ADGRB3: variants seen among roughly 807,000 people sequenced by gnomAD.
ADGRB3 encodes adhesion G protein-coupled receptor B3, also known as brain-specific angiogenesis inhibitor 3.
Under a neutral mutation model 193.4 loss-of-function variants are expected in ADGRB3, and 37 were observed. That is an observed-to-expected ratio of 0.19 (90% CI 0.15 to 0.25). The LOEUF is 0.25. Among genes scored for constraint, ADGRB3 ranks in the 10% least tolerant of loss-of-function variants. The probability of loss-of-function intolerance (pLI) is 1.00; values close to 1 mark genes in which losing one functional copy is unlikely to be tolerated. For synonymous variants in ADGRB3, 690 were observed against 644.2 expected (o/e 1.07, Z -1.08); for missense variants, 1,637 against 1,852.9 (o/e 0.88, Z 2.14).
chr6:68,858,679 G>C (rs915084950), intron 3 of ADGRB3, among the ~76,000 whole-genome samples: 2 of 151,246 alleles, frequency 1.3e-5, no homozygotes, highest in African/African-American at 4.9e-5. Context: ...CAGCCATTTA[G>C]AGCCATTACC....
intron 17 of ADGRB3, among the ~76,000 whole-genome samples, chr6:69,130,580 C>T (rs1464743410): frequency 6.7e-6 from 1 of 150,338 alleles, no homozygotes; most frequent in Non-Finnish European, 1.5e-5. Context: ...GAAATTCAGC[C>T]CCCCGACTGG....
At chr6:69,306,658 C>T (rs1373447353) in intron 20 of ADGRB3, among the ~76,000 whole-genome samples, 1 of 151,542 alleles carries the variant, frequency 6.6e-6, no homozygotes, top group Non-Finnish European at 1.5e-5. Context: ...GTCATACTCA[C>T]TACCTAATTC....
chr6:68,912,242 A>G (rs1388853425), intron 3 of ADGRB3, among the ~76,000 whole-genome samples: 1 of 151,936 alleles, frequency 6.6e-6, no homozygotes, highest in African/African-American at 2.4e-5. Context: ...GAATATATAA[A>G]TTACTGATTT....
chr6:68,673,138 G>T (rs1182609859), intron 3 of ADGRB3, among the ~76,000 whole-genome samples: 2 of 151,932 alleles, frequency 1.3e-5, no homozygotes, highest in Non-Finnish European at 2.9e-5. Context: ...TGACAAGAAC[G>T]ATTAAAGTCA....
At chr6:69,030,481 T>G (rs1456298765) in intron 13 of ADGRB3, among the ~76,000 whole-genome samples, 1 of 152,180 alleles carries the variant, frequency 6.6e-6, no homozygotes, top group African/African-American at 2.4e-5. Flanking sequence ...TGGATGAAGC[T>G]GGAAACCATC....
intron 3 of ADGRB3, among the ~76,000 whole-genome samples, chr6:68,726,681 A>G (rs1381640113): frequency 1.3e-5 from 2 of 151,784 alleles, no homozygotes; most frequent in South Asian, 4.1e-4. Context: ...GCCTAGAGCT[A>G]TAGAATTTTT....
chr6:68,740,338 G>A (rs377356611), intron 3 of ADGRB3, among the ~76,000 whole-genome samples: 3 of 152,270 alleles, frequency 2.0e-5, no homozygotes, highest in South Asian at 2.1e-4. Context: ...CAGCAAGATC[G>A]CTTGAGCCCA....
At chr6:68,703,471 A>G (rs1405780501) in intron 3 of ADGRB3, among the ~76,000 whole-genome samples, 2 of 152,144 alleles carry the variant, frequency 1.3e-5, no homozygotes, top group Non-Finnish European at 2.9e-5. Context: ...TTTATACAAT[A>G]ATTCTACTCC....
chr6:69,306,320 C>T (rs971120483), intron 20 of ADGRB3, among the ~76,000 whole-genome samples: 1 of 151,420 alleles, frequency 6.6e-6, no homozygotes, highest in Non-Finnish European at 1.5e-5. Context: ...AAATCAAGAC[C>T]ACTAACATTT....
At chr6:68,792,983 T>C (rs1001863411) in intron 3 of ADGRB3, among the ~76,000 whole-genome samples, 10 of 152,192 alleles carry the variant, frequency 6.6e-5, no homozygotes, top group Admixed American at 4.6e-4. Context: ...TACTGTTTGT[T>C]TGTCTGTTTT....
At chr6:69,293,744 C>T (rs1767744875) in intron 20 of ADGRB3, among the ~76,000 whole-genome samples, 1 of 152,074 alleles carries the variant, frequency 6.6e-6, no homozygotes, top group South Asian at 2.1e-4. Context: ...TGACGATAGA[C>T]TCAGGGAAAG....
intron 13 of ADGRB3, among the ~76,000 whole-genome samples, chr6:69,036,522 G>A (rs1191733265): frequency 2.0e-5 from 3 of 151,958 alleles, no homozygotes; most frequent in Non-Finnish European, 2.9e-5. Flanking sequence ...ACAGAAAAAT[G>A]CCTATCCTTT....
At chr6:69,198,427 G>C (rs1331048097) in intron 17 of ADGRB3, among the ~76,000 whole-genome samples, 1 of 152,184 alleles carries the variant, frequency 6.6e-6, no homozygotes, top group South Asian at 2.1e-4. Flanking sequence ...TAACTAGTCT[G>C]AAGAAAAAGT....
intron 17 of ADGRB3, among the ~76,000 whole-genome samples, chr6:69,231,834 T>C (rs549278931): frequency 6.6e-6 from 1 of 152,096 alleles, no homozygotes; most frequent in South Asian, 2.1e-4. Context: ...TAATTAAGAG[T>C]ATATTAAGTC....
At chr6:69,301,498 T>TA in intron 20 of ADGRB3, among the ~76,000 whole-genome samples, 1 of 151,998 alleles carries the variant, frequency 6.6e-6, no homozygotes, top group Non-Finnish European at 1.5e-5. Context: ...GCATATTGCA[T>TA]AAAAAAGTGA....
At position 68,635,858 on chromosome 6, in the gene ADGRB3, A is replaced by C. The variant is rs1042100964; in HGVS notation, c.-330A>C. On this transcript the variant is annotated 5_prime_UTR_variant, in exon 1 of 32. Transcript: ENST00000370598. ...TTCGTATGTATGCATTTTTAAAAATAAATCCTGATTTTGGAAGCTGAGCCG... is the reference window on the plus strand; with the variant it reads ...TTCGTATGTATGCATTTTTAAAAATCAATCCTGATTTTGGAAGCTGAGCCG... The C allele has an allele frequency of 6.6e-6, 1 of 152,324 alleles. No homozygotes were observed. Among genetic ancestry groups the C allele is most frequent in the Admixed American group, 6.6e-5 (1 of 15,224 alleles). The allele number at this position is 152,324 out of a possible 1,614,324, so 9.4% of individuals were successfully genotyped here.
chr6:69,186,378 A>G (rs1220970371), intron 17 of ADGRB3, among the ~76,000 whole-genome samples: 1 of 151,938 alleles, frequency 6.6e-6, no homozygotes, highest in Non-Finnish European at 1.5e-5. Context: ...CTTTTTTCCC[A>G]CTCAGAAATA....
At position 69,077,992 on chromosome 6, in the gene ADGRB3, C is replaced by A. The variant is rs898016024; in HGVS notation, c.2480+1954C>A. On this transcript the variant is annotated intron_variant, in intron 17 of 31. Coordinates refer to ENST00000370598, the MANE Select transcript of ADGRB3 (RefSeq NM_001704.3). ...AGGTTAAGGCAACTTTATTTCCTTT[C>A]TTCACATTTGTTCTTCTATTTTGAC... 2.0e-5 allele frequency among the ~76,000 whole-genome samples: 3 copies of A among 151,918 alleles called. No homozygotes were observed. The East Asian group carries it at 5.8e-4, about 29-fold the overall frequency.
chr6:69,007,335 T>A (rs1001647809), intron 11 of ADGRB3, among the ~76,000 whole-genome samples: 3 of 152,166 alleles, frequency 2.0e-5, no homozygotes, highest in African/African-American at 7.2e-5. Context: ...AAACTAGACT[T>A]TGATTTTTAA....
Sources: gnomAD v4.1 joint callset for allele counts (sites outside exome capture counted in the v4.1 genomes callset) on GRCh38, gnomAD v4.1.1 for gene constraint, MANE v1.5 for transcripts, NCBI Gene and HGNC (gene_info 2026-07-23, HGNC 2026-07-21) for gene names.